The following ZNF808 variants were observed in gnomAD, a reference collection of about 807,000 sequenced individuals.
ZNF808 encodes zinc finger protein 808.
ZNF808 carries 5 observed loss-of-function variants against 8.7 expected under a neutral mutation model. The ratio of observed to expected loss-of-function variants is 0.58; its 90% CI spans 0.30 to 1.21. The LOEUF is 1.21. ZNF808 is among the 50% of genes most tolerant of loss of function. The pLI, the probability that ZNF808 is intolerant of heterozygous loss-of-function variation, is 0.07. For missense variants in ZNF808, 1,103 were observed against 1,098.4 expected, an observed-to-expected ratio of 1.00 and a Z score of -0.06; for synonymous variants, 380 against 366.0, an observed-to-expected ratio of 1.04 and a Z score of -0.44.
chr19:52,533,485 C>G (rs1037673600), intron 2 of ZNF808, among the ~76,000 whole-genome samples: 4 of 151,850 alleles, frequency 2.6e-5, no homozygotes, highest in African/African-American at 9.7e-5. Flanking sequence ...CTTGGCCTTC[C>G]AAAGTACTGG....
chr19:52,533,910 T>G (rs367842277), intron 2 of ZNF808, among the ~76,000 whole-genome samples: 2 of 129,570 alleles, frequency 1.5e-5, no homozygotes, highest in African/African-American at 6.0e-5. Flanking sequence ...CAGTAGGAAA[T>G]TAAGTAATTC....
Position 52,554,524 on chromosome 19 carries a change from G to GA in ZNF808, c.1611dup (p.Ser538IlefsTer8), listed in dbSNP as rs759739610. 6 of 1,614,020 alleles carry GA rather than the reference G, an allele frequency of 3.7e-6. No homozygotes were observed. On this transcript the variant is annotated frameshift_variant, in exon 5 of 5. Transcript: ENST00000359798. LOFTEE classifies it low-confidence loss of function (END_TRUNC). ...ACCATCGTAGACTTCACACTCTAGAGAAATCTTACAAATGTACGGTTTGTA... is the reference window on the plus strand; with the variant it reads ...ACCATCGTAGACTTCACACTCTAGAGAAAATCTTACAAATGTACGGTTTGTA...
At chr19:52,540,782 CTT>C (rs979846668) in intron 2 of ZNF808, among the ~76,000 whole-genome samples, 2 of 152,148 alleles carry the variant, frequency 1.3e-5, no homozygotes, top group African/African-American at 4.8e-5. Flanking sequence ...ACAGCTGCCT[CTT>C]TTTCAGTGTT....
At chr19:52,542,791 A>G (rs2059684325) in intron 2 of ZNF808, among the ~76,000 whole-genome samples, 1 of 151,850 alleles carries the variant, frequency 6.6e-6, no homozygotes, top group African/African-American at 2.4e-5. Flanking sequence ...ATGAGGCACA[A>G]GTAGTTACAA....
chr19:52,560,966 C>G (rs962338828), downstream of ZNF808, among the ~76,000 whole-genome samples: 1 of 152,074 alleles, frequency 6.6e-6, no homozygotes, highest in Non-Finnish European at 1.5e-5. Context: ...CAACACTACT[C>G]TCACTGAGTA....
At chr19:52,546,188 G>GTT (rs35937083) in intron 3 of ZNF808, among the ~76,000 whole-genome samples, 435 of 140,186 alleles carry the variant, frequency 3.1e-3, no homozygotes, top group African/African-American at 5.7e-3. Context: ...CATCATAACA[G>GTT]TTTTTTTTTT....
chr19:52,543,211 A>G (rs2059689143), intron 2 of ZNF808, 55 bp from the exon 3 acceptor site: 1 of 1,574,974 alleles, frequency 6.3e-7, no homozygotes, highest in African/African-American at 1.4e-5. Context: ...TGGTTTTGTC[A>G]CAGGAAGGGA....
intron 2 of ZNF808, 68 bp from the exon 3 acceptor site, chr19:52,543,198 A>G (rs1355555017): frequency 9.9e-6 from 15 of 1,521,284 alleles, no homozygotes; most frequent in Admixed American, 1.8e-5. Flanking sequence ...CTCCCGGTTC[A>G]TGTGGTTTTG....
intron 4 of ZNF808, 101 bp downstream of exon 4, chr19:52,547,739 G>GTGTTT (rs1555766742): frequency 7.2e-5 from 73 of 1,011,718 alleles, no homozygotes; most frequent in East Asian, 2.3e-4. Context: ...ATCCATGCTG[G>GTGTTT]TTTTTTTTTT....
chr19:52,565,545 C>G (rs1247279039), downstream of ZNF808, among the ~76,000 whole-genome samples: 2 of 152,160 alleles, frequency 1.3e-5, no homozygotes, highest in African/African-American at 4.8e-5. Flanking sequence ...GAGAGCTTAT[C>G]TTCACAGGTG....
intron 4 of ZNF808, 106 bp downstream of exon 4, chr19:52,547,744 T>G (rs75643038): frequency 5.9e-4 from 857 of 1,450,932 alleles, no homozygotes; most frequent in Admixed American, 1.9e-3. Flanking sequence ...TGCTGGTTTT[T>G]TTTTTTTTTT....
Position 52,555,619 on chromosome 19 carries a change from A to T in ZNF808, c.2703A>T (p.Lys901Asn), listed in dbSNP as rs373600710. 2 of 1,595,982 alleles carry T rather than the reference A, an allele frequency of 1.3e-6. No individual in the cohort carries two copies. The highest frequency in any genetic ancestry group is 1.3e-5 in the African/African-American group (1 of 74,320). The change falls in exon 5 of 5, where the codon AAA becomes AAT. Residue 901 changes from lysine (K) to asparagine (N), a missense_variant. Coordinates refer to ENST00000359798, the MANE Select transcript of ZNF808 (RefSeq NM_001039886.4). ...ATCAGGCAATTCATGGTATAGGGAA[A>T]TTTGATTAATATAATGATTGTCACA... ...IHHQAIHGIG[K>N]FD
rs757880968 is a variant in ZNF808, at chr19:52,547,656, G to A, written c.190+18G>A. 2.5e-6 allele frequency: 4 copies of A among 1,613,210 alleles called. No homozygotes were observed. Among genetic ancestry groups the A allele is most frequent in the East Asian group, 4.5e-5 (2 of 44,840 alleles). ...GGCTGTGGGTGAGGAAAATGTCCCT[G>A]CAGACATGAGGAGTCTGCTCCTGTC... On this transcript the variant is annotated intron_variant, in intron 4 of 4. Coordinates refer to ENST00000359798, the MANE Select transcript of ZNF808 (RefSeq NM_001039886.4).
rs1335510806 is a variant in ZNF808 at position 52,554,832 on chromosome 19, C to T, written c.1916C>T (p.Ala639Val). 6.2e-7 allele frequency: 1 copy of T among 1,614,080 alleles called. No individual in the cohort carries two copies. The highest frequency in any genetic ancestry group is 1.3e-5 in the African/African-American group (1 of 75,016). Residue 639 changes from alanine (A) to valine (V), a missense_variant, in exon 5 of 5, where the codon GCA becomes GTA. Physicochemically the swap from Ala to Val is moderately conservative, Grantham distance 64. Coordinates refer to ENST00000359798, the MANE Select transcript of ZNF808 (RefSeq NM_001039886.4). ...DTAFTWNSQL[A>V]RHTRIHTGEK... ...GCTTTCACGTGGAATTCACAGCTGG[C>T]ACGACATACAAGAATTCACACTGGA...
chr19:52,564,093 T>A, exon 4 of ZNF808: 2 of 649,796 alleles, frequency 3.1e-6, no homozygotes, highest in Non-Finnish European at 5.7e-6. Context: ...CTCACAAGAC[T>A]TTCAGGATTA....
intron 3 of ZNF808, 107 bp from the exon 4 acceptor site, chr19:52,547,405 A>G: frequency 1.3e-6 from 2 of 1,579,618 alleles, no homozygotes; most frequent in Non-Finnish European, 1.7e-6. Flanking sequence ...TTTTGTCAGA[A>G]CACAGTCTTT....
At chr19:52,567,259 G>C (rs1489983014), downstream of ZNF808, among the ~76,000 whole-genome samples, 1 of 151,986 alleles carries the variant, frequency 6.6e-6, no homozygotes, top group African/African-American at 2.4e-5. Context: ...GCCAAGGATA[G>C]CTTTAAATCA....
chr19:52,568,372 C>CCAAAACAAAA (rs71335658), downstream of ZNF808, among the ~76,000 whole-genome samples: 630 of 152,042 alleles, frequency 4.1e-3, 3 homozygotes, highest in African/African-American at 0.014. Context: ...GGACGCCTTC[C>CCAAAACAAAA]CAAAACAAAA....
chr19:52,567,947 G>A (rs2059876888), downstream of ZNF808, among the ~76,000 whole-genome samples: 1 of 152,218 alleles, frequency 6.6e-6, no homozygotes, highest in South Asian at 2.1e-4. Flanking sequence ...GTACCTGTAA[G>A]TCAGTAGGAA....
Sources: gnomAD v4.1 joint callset for allele counts (sites outside exome capture counted in the v4.1 genomes callset) on GRCh38, gnomAD v4.1.1 for gene constraint, MANE v1.5 for transcripts, NCBI Gene and HGNC (gene_info 2026-07-23, HGNC 2026-07-21) for gene names.